MINK1: variants seen among roughly 807,000 people sequenced by gnomAD.
The protein encoded by MINK1 is misshapen-like kinase 1.
A neutral mutation model predicts 178.4 loss-of-function variants in MINK1; 46 were observed. The ratio of observed to expected loss-of-function variants is 0.26; its 90% CI spans 0.20 to 0.33. The LOEUF is 0.33. MINK1 is among the 10% of genes least tolerant of loss of function. The pLI is 1.00. For missense variants in MINK1, 1,366 were observed against 1,814.9 expected, an observed-to-expected ratio of 0.75 and a Z score of 4.49; for synonymous variants, 797 against 709.7, an observed-to-expected ratio of 1.12 and a Z score of -1.96.
chr17:4,845,790 G>A (rs1159250601), intron 1 of MINK1, among the ~76,000 whole-genome samples: 4 of 152,244 alleles, frequency 2.6e-5, no homozygotes, highest in Admixed American at 6.5e-5. Context: ...ACAGGCATGC[G>A]TCACCACGCC....
At chr17:4,842,877 G>C (rs531212682) in intron 1 of MINK1, among the ~76,000 whole-genome samples, 15 of 152,136 alleles carry the variant, frequency 9.9e-5, no homozygotes, top group Non-Finnish European at 1.8e-4. Context: ...CTTACATCTG[G>C]GGGAGTGACC....
intron 1 of MINK1, chr17:4,854,737 A>G (rs752785698): frequency 2.0e-6 from 1 of 490,310 alleles, no homozygotes; most frequent in Non-Finnish European, 4.1e-6. Context: ...TCCCATAAAA[A>G]CACTTCAAAA....
intron 1 of MINK1, among the ~76,000 whole-genome samples, chr17:4,843,206 G>T (rs1176471531): frequency 6.6e-6 from 1 of 152,354 alleles, no homozygotes; most frequent in Admixed American, 6.5e-5. Context: ...GCTGGGCGCA[G>T]TGGCTCATGC....
chr17:4,862,129 A>G (rs72835028), intron 1 of MINK1, among the ~76,000 whole-genome samples: 1,734 of 152,024 alleles, frequency 0.011, 13 homozygotes, highest in Non-Finnish European at 0.018. Context: ...GGTTAAATAG[A>G]GATGTTGTGG....
intron 1 of MINK1, among the ~76,000 whole-genome samples, chr17:4,861,482 C>T (rs985437085): frequency 2.6e-5 from 4 of 152,182 alleles, no homozygotes; most frequent in South Asian, 4.2e-4. Flanking sequence ...TCTTGAGCCT[C>T]TCCATCAACC....
intron 1 of MINK1, among the ~76,000 whole-genome samples, chr17:4,850,523 C>CCCCT (rs940293705): frequency 6.6e-6 from 1 of 150,494 alleles, no homozygotes; most frequent in African/African-American, 2.5e-5. Flanking sequence ...CTGCTGGCCC[C>CCCCT]CCCCGCCCTC....
At chr17:4,859,306 A>G in intron 1 of MINK1, 1 of 985,280 alleles carries the variant, frequency 1.0e-6, no homozygotes, top group East Asian at 1.1e-4. Context: ...TTCAAGAATT[A>G]TGACTCATCG....
At chr17:4,889,592 C>T in intron 12 of MINK1, 55 bp from the exon 13 acceptor site, 3 of 1,407,076 alleles carry the variant, frequency 2.1e-6, no homozygotes, top group Non-Finnish European at 2.9e-6. Context: ...CATGGAGGGG[C>T]AGTGCTGACG....
Position 4,897,046 on chromosome 17 carries a change from C to T in MINK1, c.3916-158C>T, listed in dbSNP as rs760164202. On this transcript the variant is annotated intron_variant, in intron 31 of 31. Transcript: ENST00000355280. ...GCACCCTCTCCCCTAACATCCCAGCCTGCCTTTCCTCCGGGTGAGGGGCAC... is the reference window on the plus strand; with the variant it reads ...GCACCCTCTCCCCTAACATCCCAGCTTGCCTTTCCTCCGGGTGAGGGGCAC... The T allele has an allele frequency of 8.1e-6, 7 of 865,186 alleles. No individual in the cohort carries two copies. The South Asian group carries it at 1.0e-4, about 13-fold the overall frequency. The allele number at this position is 865,186 out of a possible 1,614,324, so 53.6% of individuals were successfully genotyped here. A position where few individuals can be genotyped will look rare whatever the true frequency, so the allele number is the denominator to read the frequency against.
At position 4,841,103 on chromosome 17, in the gene MINK1, G is replaced by A. The variant is rs148295867; in HGVS notation, c.57+7463G>A. On this transcript the variant is annotated intron_variant, in intron 1 of 31. Transcript: ENST00000355280. ...AATTCCAGGGCCACACGGGACAGGCGACGTGGGGAGTGTCTGTGGTCACAA... is the reference window on the plus strand; with the variant it reads ...AATTCCAGGGCCACACGGGACAGGCAACGTGGGGAGTGTCTGTGGTCACAA... Among the ~76,000 whole-genome samples, 70 of 152,230 alleles carry A rather than the reference G, an allele frequency of 4.6e-4. 6 individuals are homozygous for A. The East Asian group carries it at 6.8e-3, about 15-fold the overall frequency.
intron 21 of MINK1, 28 bp downstream of exon 21, chr17:4,893,625 A>G (rs1969110538): frequency 6.6e-7 from 1 of 1,506,752 alleles, no homozygotes; most frequent in Non-Finnish European, 8.9e-7. Flanking sequence ...GGGCCCTCCC[A>G]CTCCAAGGCA....
At position 4,897,300 on chromosome 17, in the gene MINK1, C is replaced by G. The variant is rs2586530; in HGVS notation, c.*13C>G. On this transcript the variant is annotated 3_prime_UTR_variant, in exon 32 of 32. Transcript: ENST00000355280. Reference sequence around the variant, plus strand: ...CATGAACTGGTGACGGGGCCCTGGGCTGGGGCTGTCCCACACTGGACCCAG... The same window carrying G: ...CATGAACTGGTGACGGGGCCCTGGGGTGGGGCTGTCCCACACTGGACCCAG... The G allele has an allele frequency of 6.2e-7, 1 of 1,612,670 alleles. No individual in the cohort carries two copies. Among genetic ancestry groups the G allele is most frequent in the Non-Finnish European group, 8.5e-7 (1 of 1,178,802 alleles).
In MINK1 at chr17:4,897,460, C is replaced by T. The variant is rs943340570; in HGVS notation, c.*173C>T. 6 of 595,510 alleles carry T rather than the reference C, an allele frequency of 1.0e-5. No homozygotes were observed. Among genetic ancestry groups the T allele is most frequent in the Non-Finnish European group, 1.8e-5 (6 of 337,460 alleles). 36.9% of individuals were successfully genotyped at this position (595,510 alleles called of 1,614,324 possible). A position where few individuals can be genotyped will look rare whatever the true frequency, so the allele number is the denominator to read the frequency against. On this transcript the variant is annotated 3_prime_UTR_variant, in exon 32 of 32. Coordinates refer to ENST00000355280, the MANE Select transcript of MINK1 (RefSeq NM_153827.5). ...CCTGATGCTTTCGTGATCACGTGACCATCCTCTTCCCCAACATGTCCTCTT... is the reference window on the plus strand; with the variant it reads ...CCTGATGCTTTCGTGATCACGTGACTATCCTCTTCCCCAACATGTCCTCTT...
chr17:4,887,249 C>T lies in MINK1; in HGVS notation c.1019+70C>T, dbSNP rs1335304153. 6.8e-7 allele frequency: 1 copy of T among 1,460,338 alleles called. No individual in the cohort carries two copies. The highest frequency in any genetic ancestry group is 2.5e-5 in the East Asian group (1 of 40,792). 90.5% of individuals were successfully genotyped at this position (1,460,338 alleles called of 1,614,324 possible). ...GTGGGGGGACTACAGTGGTGCTTGGCTTTGGGGACTCTCAGCCTGGGGGTG... is the reference window on the plus strand; with the variant it reads ...GTGGGGGGACTACAGTGGTGCTTGGTTTTGGGGACTCTCAGCCTGGGGGTG... On this transcript the variant is annotated intron_variant, in intron 11 of 31. Transcript: ENST00000355280. The surrounding 1 kb of genome is among the most constrained non-coding windows in gnomAD (Gnocchi z 7.6).
chr17:4,875,814 G>T (rs12938145), intron 1 of MINK1, among the ~76,000 whole-genome samples: 1 of 150,792 alleles, frequency 6.6e-6, no homozygotes, highest in African/African-American at 2.4e-5. Context: ...TCCCCCCGCC[G>T]AGACAGAGCC....
chr17:4,860,651 G>A (rs1914017120), intron 1 of MINK1: 3 of 507,372 alleles, frequency 5.9e-6, no homozygotes, highest in Admixed American at 2.0e-5. Context: ...TTTCCTCCAG[G>A]TAGGAGCTGT....
intron 12 of MINK1, among the ~76,000 whole-genome samples, chr17:4,889,412 C>G (rs1968542569): frequency 6.6e-6 from 1 of 152,064 alleles, no homozygotes; most frequent in African/African-American, 2.4e-5. Context: ...CTAAGCCCAC[C>G]CCACAGGCAG....
intron 1 of MINK1, among the ~76,000 whole-genome samples, chr17:4,851,999 C>CAAAAAAAAAAAAAAAAAAA (rs535581252): frequency 4.3e-5 from 3 of 69,446 alleles, no homozygotes; most frequent in African/African-American, 6.4e-5. Context: ...GACTCTGTCT[C>CAAAAAAAAAAAAAAAAAAA]AAAAAAAAAA....
intron 1 of MINK1, among the ~76,000 whole-genome samples, chr17:4,838,418 C>G (rs144098103): frequency 6.6e-6 from 1 of 152,142 alleles, no homozygotes; most frequent in Admixed American, 6.6e-5. Flanking sequence ...CTGGCCCACC[C>G]CCTCACTCTT....
Sources: allele counts gnomAD v4.1 joint callset (sites outside exome capture counted in the v4.1 genomes callset), GRCh38; gene constraint gnomAD v4.1.1; non-coding constraint Gnocchi (gnomAD v3.1); transcripts MANE v1.5; gene names NCBI Gene and HGNC (gene_info 2026-07-23, HGNC 2026-07-21).